The following SRGAP3 variants were observed in gnomAD, a reference collection of about 807,000 sequenced individuals.
The protein encoded by SRGAP3 is SLIT-ROBO Rho GTPase-activating protein 3.
Under a neutral mutation model 121.1 loss-of-function variants are expected in SRGAP3, and 39 were observed. That is an observed-to-expected ratio of 0.32 (90% CI 0.25 to 0.42). SRGAP3 has a LOEUF of 0.42. Among genes scored for constraint, SRGAP3 ranks in the 10% least tolerant of loss-of-function variants. The probability of loss-of-function intolerance (pLI) is 1.00; values close to 1 mark genes in which losing one functional copy is unlikely to be tolerated. For synonymous variants in SRGAP3, 601 were observed against 570.0 expected, an observed-to-expected ratio of 1.05 and a Z score of -0.77; for missense variants, 1,213 against 1,470.6, an observed-to-expected ratio of 0.82 and a Z score of 2.86.
intron 2 of SRGAP3, among the ~76,000 whole-genome samples, chr3:9,116,276 C>T (rs1948801158): frequency 6.6e-6 from 1 of 152,198 alleles, no homozygotes; most frequent in Non-Finnish European, 1.5e-5. Context: ...CATCATTTAT[C>T]TCCTTTCGCA....
Position 9,104,788 on chromosome 3 carries a change from C to G in SRGAP3, c.315G>C (p.Gln105His). The G allele has an allele frequency of 6.2e-7, 1 of 1,614,242 alleles. No homozygotes were observed. Among genetic ancestry groups the G allele is most frequent in the South Asian group, 1.1e-5 (1 of 91,078 alleles). Residue 105 changes from glutamine to histidine, a missense_variant, in exon 3 of 22, where the codon CAG (glutamine) becomes CAC (histidine). By Grantham distance (24) the Gln-to-His change is conservative (BLOSUM62 0). This residue lies in a region of SRGAP3 where 793 missense variants were observed against 1,032.9 expected (regional missense o/e 0.77). Transcript: ENST00000383836. ...PVNCWYLVLH[Q>H]TRRESRDHAT... The stretch of plus-strand genomic sequence containing the variant: ...CATGGTCTCGGCTCTCCCGCCGGGT[C>G]TGATGCAGAACCAGATACCAACAGT...
chr3:9,006,828 G>A (rs1943103966), intron 18 of SRGAP3: 2 of 151,912 alleles, frequency 1.3e-5, no homozygotes, highest in Non-Finnish European at 2.9e-5. Flanking sequence ...TTTTCATTTA[G>A]TCAAGGATCC....
chr3:9,201,629 C>T (rs1952070855), intron 1 of SRGAP3, among the ~76,000 whole-genome samples: 1 of 152,212 alleles, frequency 6.6e-6, no homozygotes, highest in South Asian at 2.1e-4. Context: ...GCAGGAAGAA[C>T]AGTCAAGAGA....
At chr3:9,058,534 T>C (rs1945950369) in intron 6 of SRGAP3, 62 bp from the exon 7 acceptor site, 1 of 1,510,552 alleles carries the variant, frequency 6.6e-7, no homozygotes, top group Non-Finnish European at 9.2e-7. Context: ...GGGCGGTCAC[T>C]GGCCACCACA....
intron 3 of SRGAP3, among the ~76,000 whole-genome samples, chr3:9,255,161 A>G (rs1954104844): frequency 6.6e-6 from 1 of 152,246 alleles, no homozygotes; most frequent in South Asian, 2.1e-4. Flanking sequence ...TGACCTCAAC[A>G]AAGAATAACT....
chr3:9,249,708 C>T (rs551044814), upstream of SRGAP3: 181 of 229,776 alleles, frequency 7.9e-4, 1 homozygote, highest in African/African-American at 3.9e-3. Context: ...CTCCGCCTCC[C>T]GGATTTTATA....
At chr3:9,199,708 A>C (rs1436383019) in intron 1 of SRGAP3, among the ~76,000 whole-genome samples, 1 of 152,220 alleles carries the variant, frequency 6.6e-6, no homozygotes, top group Non-Finnish European at 1.5e-5. Flanking sequence ...CTAGTTATTG[A>C]GTCCCTAAAG....
chr3:9,153,053 A>G (rs1490083083), intron 1 of SRGAP3, among the ~76,000 whole-genome samples: 1 of 152,150 alleles, frequency 6.6e-6, no homozygotes, highest in Non-Finnish European at 1.5e-5. Context: ...TTTCTATCTT[A>G]GCACCTTCCA....
chr3:8,990,718 T>A lies in SRGAP3; in HGVS notation c.2680A>T (p.Ser894Cys). 3 of 1,611,726 alleles carry A rather than the reference T, an allele frequency of 1.9e-6. No homozygotes were observed. The South Asian group carries it at 3.3e-5, about 18-fold the overall frequency. ...GTGAGGGGGATTTTGTGGGGGCTGC[T>A]GGGGCAGGCAGCAGCCCGGGGTGGT... ...DTPPRAAACP[S>C]SPHKIPLTRG... The change falls in exon 21 of 22, where the codon AGC becomes TGC. Residue 894 changes from serine (S) to cysteine (C), a missense_variant. Ser to Cys is a moderately radical substitution (Grantham distance 112). Coordinates refer to ENST00000383836, the MANE Select transcript of SRGAP3 (RefSeq NM_014850.4).
chr3:9,065,035 G>A (rs1430599364), intron 4 of SRGAP3, among the ~76,000 whole-genome samples: 1 of 152,072 alleles, frequency 6.6e-6, no homozygotes, highest in African/African-American at 2.4e-5. Context: ...CAGTGCCGCG[G>A]GGAAAGCCCC....
chr3:9,359,180 T>C (rs2030668725), intron 1 of SRGAP3, among the ~76,000 whole-genome samples: 1 of 152,220 alleles, frequency 6.6e-6, no homozygotes, highest in Non-Finnish European at 1.5e-5. Context: ...GGAACTTAAA[T>C]GATCCTCAGG....
At chr3:9,283,336 G>GTACTT (rs1471501767) in intron 3 of SRGAP3, among the ~76,000 whole-genome samples, 1 of 152,194 alleles carries the variant, frequency 6.6e-6, no homozygotes, top group Non-Finnish European at 1.5e-5. Context: ...GGCCTATCAT[G>GTACTT]TACTTTGAAT....
At chr3:9,156,198 A>T (rs939981055) in intron 1 of SRGAP3, among the ~76,000 whole-genome samples, 2 of 152,138 alleles carry the variant, frequency 1.3e-5, no homozygotes, top group African/African-American at 4.8e-5. Flanking sequence ...ATTTCTTATC[A>T]TCAGAAGTGA....
At chr3:9,234,196 G>A (rs1041130148) in intron 1 of SRGAP3, among the ~76,000 whole-genome samples, 17 of 152,148 alleles carry the variant, frequency 1.1e-4, no homozygotes, top group Non-Finnish European at 2.5e-4. Context: ...CGGAGCAAGA[G>A]GTCAAGGAGT....
chr3:8,995,818 A>G (rs1177460131), intron 18 of SRGAP3, among the ~76,000 whole-genome samples: 2 of 152,262 alleles, frequency 1.3e-5, no homozygotes, highest in Non-Finnish European at 2.9e-5. Flanking sequence ...TTAATATTTT[A>G]AAGTAAGCAC....
rs1488028645 is a variant in SRGAP3, at chr3:8,981,441, T to C, written c.*4078A>G. The C allele has an allele frequency of 8.6e-6, 2 of 232,322 alleles. No individual in the cohort carries two copies. Among genetic ancestry groups the C allele is most frequent in the African/African-American group, 4.4e-5 (2 of 45,276 alleles). The allele number at this position is 232,322 out of a possible 1,614,324, so 14.4% of individuals were successfully genotyped here. On this transcript the variant is annotated 3_prime_UTR_variant, in exon 22 of 22. Transcript: ENST00000383836. ...AGGCATTTGCACTAGTGTGGAACCATCTGGATGTGTGAAAAGTTAGGAATA... is the reference window on the plus strand; with the variant it reads ...AGGCATTTGCACTAGTGTGGAACCACCTGGATGTGTGAAAAGTTAGGAATA...
intron 3 of SRGAP3, among the ~76,000 whole-genome samples, chr3:9,271,172 G>A (rs1020505894): frequency 4.6e-5 from 7 of 152,082 alleles, no homozygotes; most frequent in Non-Finnish European, 1.0e-4. Context: ...GTTTCTACCT[G>A]AAAGTACAAA....
chr3:9,182,170 T>C (rs145481577), intron 1 of SRGAP3, among the ~76,000 whole-genome samples: 142 of 81,452 alleles, frequency 1.7e-3, no homozygotes, highest in African/African-American at 6.6e-3. Flanking sequence ...AGCAAGACTC[T>C]GTCTCAAAAA....
At chr3:9,173,299 G>A (rs958541932) in intron 1 of SRGAP3, among the ~76,000 whole-genome samples, 13 of 152,218 alleles carry the variant, frequency 8.5e-5, no homozygotes, top group African/African-American at 2.7e-4. Flanking sequence ...TTCTAATGCC[G>A]GGGCTGTGCC....
Sources: allele counts gnomAD v4.1 joint callset (sites outside exome capture counted in the v4.1 genomes callset), GRCh38; gene constraint gnomAD v4.1.1; regional missense constraint gnomAD v4.1.1; transcripts MANE v1.5; gene names NCBI Gene and HGNC (gene_info 2026-07-23, HGNC 2026-07-21).